TXLNB: variants seen among roughly 807,000 people sequenced by gnomAD.
TXLNB encodes taxilin beta.
Under a neutral mutation model 57.4 loss-of-function variants are expected in TXLNB, and 37 were observed. The ratio of observed to expected loss-of-function variants is 0.64; its 90% confidence interval spans 0.50 to 0.85. TXLNB has a LOEUF of 0.85. TXLNB is among the 40% of genes least tolerant of loss of function. The pLI is 0.00. For synonymous variants in TXLNB, 302 were observed against 309.6 expected (o/e 0.98, Z 0.26); for missense variants, 848 against 825.6 (o/e 1.03, Z -0.33).
chr6:139,232,126 A>T, the TXLNB span, among the ~76,000 whole-genome samples: 1 of 152,216 alleles, frequency 6.6e-6, no homozygotes, highest in Non-Finnish European at 1.5e-5. Flanking sequence ...ATGTACTCAC[A>T]GTTCCACATG....
the TXLNB span, among the ~76,000 whole-genome samples, chr6:139,218,188 G>T: frequency 5.3e-5 from 8 of 152,098 alleles, no homozygotes; most frequent in East Asian, 1.5e-3. Context: ...GACTTAATAG[G>T]GTGCTTAATT....
At chr6:139,262,853 A>T (rs6922150) in intron 4 of TXLNB, 80 bp from the exon 5 acceptor site, 551,574 of 1,421,890 alleles carry the variant, frequency 0.39, 115,250 homozygotes, top group African/African-American at 0.81. Flanking sequence ...TAAAGGAGAT[A>T]AGTGTGCAGA....
chr6:139,237,796 A>G (rs1775853650), downstream of TXLNB, among the ~76,000 whole-genome samples: 1 of 152,208 alleles, frequency 6.6e-6, no homozygotes, highest in Admixed American at 6.5e-5. Flanking sequence ...ATCACTTAAA[A>G]AAAAGTCAAA....
At chr6:139,185,617 C>T in the TXLNB span, among the ~76,000 whole-genome samples, 1 of 152,064 alleles carries the variant, frequency 6.6e-6, no homozygotes, top group African/African-American at 2.4e-5. Flanking sequence ...AGGAGAATGG[C>T]GTGAACCCGG....
chr6:139,302,054 C>G, the TXLNB span, among the ~76,000 whole-genome samples: 1 of 151,570 alleles, frequency 6.6e-6, no homozygotes, highest in Non-Finnish European at 1.5e-5. Flanking sequence ...AACTACGATG[C>G]TTTATTGGGT....
intron 6 of TXLNB, among the ~76,000 whole-genome samples, chr6:139,258,560 T>C (rs1479122092): frequency 6.6e-6 from 1 of 152,256 alleles, no homozygotes; most frequent in African/African-American, 2.4e-5. Flanking sequence ...ATTATGTTGC[T>C]CAAAATTTGT....
the TXLNB span, among the ~76,000 whole-genome samples, chr6:139,219,661 T>C: frequency 6.6e-6 from 1 of 152,198 alleles, no homozygotes; most frequent in Non-Finnish European, 1.5e-5. Flanking sequence ...TCCCCACAGA[T>C]GTGTCTGGGA....
At chr6:139,166,958 G>C in the TXLNB span, 1 of 1,614,062 alleles carries the variant, frequency 6.2e-7, no homozygotes, top group Admixed American at 1.7e-5. Flanking sequence ...TGGGGGCCAT[G>C]TGTTCAGAAA....
intron 2 of TXLNB, among the ~76,000 whole-genome samples, chr6:139,285,293 C>T (rs1777145897): frequency 7.0e-6 from 1 of 142,814 alleles, no homozygotes; most frequent in Non-Finnish European, 1.5e-5. Context: ...CACACACACA[C>T]ACACACACAC....
At chr6:139,316,861 G>A in the TXLNB span, among the ~76,000 whole-genome samples, 2 of 152,298 alleles carry the variant, frequency 1.3e-5, no homozygotes, top group East Asian at 3.9e-4. Flanking sequence ...AGGAAAAGCA[G>A]AAGGAAAGGC....
At chr6:139,276,284 A>G (rs754664489) in intron 3 of TXLNB, among the ~76,000 whole-genome samples, 3 of 152,352 alleles carry the variant, frequency 2.0e-5, no homozygotes, top group Non-Finnish European at 4.4e-5. Context: ...AAATGCGTAT[A>G]TGTACAAAAG....
chr6:139,187,384 TA>T, the TXLNB span, among the ~76,000 whole-genome samples: 1 of 152,012 alleles, frequency 6.6e-6, no homozygotes, highest in Non-Finnish European at 1.5e-5. Flanking sequence ...ACTATAAATA[TA>T]GAACCTCTCT....
chr6:139,258,218 T>C (rs978039339), intron 6 of TXLNB, among the ~76,000 whole-genome samples: 1 of 152,190 alleles, frequency 6.6e-6, no homozygotes, highest in African/African-American at 2.4e-5. Context: ...TTGACTCAAA[T>C]CTGTTTTGCT....
the TXLNB span, among the ~76,000 whole-genome samples, chr6:139,186,855 G>T: frequency 3.3e-4 from 51 of 152,288 alleles, no homozygotes; most frequent in African/African-American, 1.2e-3. Context: ...AGAAGCCAGA[G>T]AAAAAGACTA....
chr6:139,245,167 G>A (rs912880026), intron 8 of TXLNB, among the ~76,000 whole-genome samples: 2 of 152,178 alleles, frequency 1.3e-5, no homozygotes, highest in East Asian at 3.8e-4. Context: ...ATAGAGTGAG[G>A]TAGAGTTCAC....
At chr6:139,284,579 G>T (rs6929306) in intron 2 of TXLNB, among the ~76,000 whole-genome samples, 41,071 of 144,554 alleles carry the variant, frequency 0.28, 12,263 homozygotes, top group African/African-American at 0.65. Context: ...CATTGAGGAC[G>T]TGAGGATAGG....
At chr6:139,237,022 T>G (rs1208066352), downstream of TXLNB, among the ~76,000 whole-genome samples, 1 of 152,154 alleles carries the variant, frequency 6.6e-6, no homozygotes, top group African/African-American at 2.4e-5. Flanking sequence ...TGTATTAAGG[T>G]CATCATGGGT....
rs755943231 is a variant in TXLNB at position 139,255,542 on chromosome 6, T to G, written c.1077+22A>C. On this transcript the variant is annotated intron_variant, in intron 7 of 9. Transcript: ENST00000358430. ...GGGGACAGTGAGGACAGCACCCCCA[T>G]GCCTCGTCCACCTGGCCTCACCTGA... 12 of 1,609,632 alleles carry G rather than the reference T, an allele frequency of 7.5e-6. No individual in the cohort carries two copies. In the South Asian group the frequency reaches 1.3e-4, roughly 18 times the overall value.
At chr6:139,169,161 C>T in the TXLNB span, among the ~76,000 whole-genome samples, 3,348 of 152,126 alleles carry the variant, frequency 0.022, 122 homozygotes, top group African/African-American at 0.071. Flanking sequence ...TGACAATTTC[C>T]GCTACCCTAT....
Sources: gnomAD v4.1 joint callset for allele counts (sites outside exome capture counted in the v4.1 genomes callset) on GRCh38, gnomAD v4.1.1 for gene constraint, MANE v1.5 for transcripts, NCBI Gene and HGNC (gene_info 2026-07-23, HGNC 2026-07-21) for gene names.